The following RIC1 variants were observed in gnomAD, a reference collection of about 807,000 sequenced individuals.
RIC1 encodes RIC1 partner of RAB6A GEF complex, also known as guanine nucleotide exchange factor subunit RIC1.
RIC1 carries 88 observed loss-of-function variants against 169.0 expected under a neutral mutation model. The ratio of observed to expected loss-of-function variants is 0.52; its 90% confidence interval spans 0.44 to 0.62. The LOEUF is 0.62. Ranked by LOEUF, RIC1 falls within the 20% of genes least tolerant of loss-of-function variation. RIC1 has a pLI of 0.00. For synonymous variants in RIC1, 790 were observed against 601.5 expected, an observed-to-expected ratio of 1.31 and a Z score of -4.59; for missense variants, 1,877 against 1,725.5, an observed-to-expected ratio of 1.09 and a Z score of -1.56.
At chr9:5,765,319 A>T in intron 19 of RIC1, 95 bp from the exon 20 acceptor site, 1 of 1,327,564 alleles carries the variant, frequency 7.5e-7, no homozygotes, top group Non-Finnish European at 1.0e-6. Context: ...TGGTGTGGCT[A>T]CATTCTTTGA....
chr9:5,638,890 G>A (rs920600992), intron 1 of RIC1, among the ~76,000 whole-genome samples: 8 of 151,928 alleles, frequency 5.3e-5, no homozygotes, highest in African/African-American at 1.7e-4. Flanking sequence ...TTGTTTAAGA[G>A]GCATCATTAG....
intron 12 of RIC1, 92 bp from the exon 13 acceptor site, chr9:5,753,108 C>T (rs554436130): frequency 3.8e-5 from 44 of 1,153,888 alleles, no homozygotes; most frequent in Middle Eastern, 2.2e-4. Flanking sequence ...AAACATTGTT[C>T]GGCAAGATGA....
intron 2 of RIC1, among the ~76,000 whole-genome samples, chr9:5,679,452 T>C (rs1453579680): frequency 5.3e-5 from 8 of 152,248 alleles, no homozygotes; most frequent in Admixed American, 4.6e-4. Context: ...TTTCACGATA[T>C]TGATTCTTCC....
chr9:5,730,697 C>A (rs150825096), intron 6 of RIC1, among the ~76,000 whole-genome samples: 7 of 152,008 alleles, frequency 4.6e-5, no homozygotes, highest in Non-Finnish European at 8.8e-5. Flanking sequence ...GTAGCAATTC[C>A]ACAAGTGTTT....
chr9:5,757,926 T>C (rs1244345198), intron 17 of RIC1, among the ~76,000 whole-genome samples: 1 of 152,198 alleles, frequency 6.6e-6, no homozygotes, highest in Non-Finnish European at 1.5e-5. Flanking sequence ...ATGAGTCTTG[T>C]AGATAATATT....
chr9:5,745,615 G>C (rs536567871), intron 10 of RIC1, among the ~76,000 whole-genome samples: 3 of 152,262 alleles, frequency 2.0e-5, no homozygotes, highest in African/African-American at 7.2e-5. Flanking sequence ...TTGAGAGGCA[G>C]CTAAATTAAA....
intron 6 of RIC1, among the ~76,000 whole-genome samples, chr9:5,722,311 A>G (rs72693728): frequency 0.019 from 2,778 of 145,810 alleles, 34 homozygotes; most frequent in Non-Finnish European, 0.024. Context: ...GATGGCTTAC[A>G]GAAGGAATGA....
intron 21 of RIC1, among the ~76,000 whole-genome samples, chr9:5,766,151 C>T (rs1315474269): frequency 6.6e-6 from 1 of 152,214 alleles, no homozygotes. Context: ...AAGCGATTAT[C>T]CTGCCTCAGC....
chr9:5,750,272 G>C (rs948568177), intron 12 of RIC1, among the ~76,000 whole-genome samples: 1 of 151,910 alleles, frequency 6.6e-6, no homozygotes, highest in African/African-American at 2.4e-5. Flanking sequence ...TATTTTGTAT[G>C]ATGTAAGCAT....
intron 1 of RIC1, among the ~76,000 whole-genome samples, chr9:5,654,568 C>A (rs1328037086): frequency 6.6e-6 from 1 of 151,848 alleles, no homozygotes; most frequent in African/African-American, 2.4e-5. Flanking sequence ...TTTTGAGATT[C>A]AGTTTCTGTT....
chr9:5,740,295 A>G (rs1277369887), intron 8 of RIC1, among the ~76,000 whole-genome samples: 1 of 152,114 alleles, frequency 6.6e-6, no homozygotes, highest in Non-Finnish European at 1.5e-5. Flanking sequence ...ACTATTAGAA[A>G]TAGAGTCCTT....
intron 2 of RIC1, among the ~76,000 whole-genome samples, chr9:5,673,864 A>G (rs1820275181): frequency 6.6e-6 from 1 of 152,116 alleles, no homozygotes; most frequent in Admixed American, 6.5e-5. Flanking sequence ...AAATCAAGTT[A>G]CAGAAGAATG....
At chr9:5,762,474 T>A in intron 17 of RIC1, 67 bp from the exon 18 acceptor site, 1 of 1,579,354 alleles carries the variant, frequency 6.3e-7, no homozygotes, top group Non-Finnish European at 8.7e-7. Flanking sequence ...CCTTATGGAT[T>A]GGGGGGAGAT....
Position 5,763,091 on chromosome 9 carries a change from C to A in RIC1, c.2113-49C>A. On this transcript the variant is annotated intron_variant, in intron 18 of 25. Transcript: ENST00000414202. This position sits in a 1 kb window ranked among gnomAD's most constrained non-coding sequence, Gnocchi z 5.2. ...AACTAGTACCTAGGAACTTAAGAAC[C>A]TGCAGATTTAATAGGAAAACAACTT... is the stretch of plus-strand genomic sequence containing the variant. The A allele has an allele frequency of 6.3e-7, 1 of 1,578,726 alleles. No homozygotes were observed. Among genetic ancestry groups the A allele is most frequent in the South Asian group, 1.2e-5 (1 of 84,128 alleles).
chr9:5,747,336 A>C lies in RIC1; in HGVS notation c.1283A>C (p.Asp428Ala). The C allele has an allele frequency of 6.2e-7, 1 of 1,614,032 alleles. No homozygotes were observed. The highest frequency in any genetic ancestry group is 8.5e-7 in the Non-Finnish European group (1 of 1,179,946). Reference sequence around the variant, plus strand: ...GAGCAGGTGTTGCTTCAGGGTGAGGATCGCTTGTACTTGAACTGTGGAGAG... The same window carrying C: ...GAGCAGGTGTTGCTTCAGGGTGAGGCTCGCTTGTACTTGAACTGTGGAGAG... ...NQEQVLLQGE[D>A]RLYLNCGEAS... The change falls in exon 12 of 26, where the codon GAT becomes GCT. Residue 428 changes from aspartate to alanine, a missense_variant. Asp to Ala is a moderately radical substitution (Grantham distance 126, BLOSUM62 -2). Around this residue, in one of 3 missense-constraint regions of RIC1, gnomAD observed 1,104 missense variants for 992.0 expected, o/e 1.11. Transcript: ENST00000414202.
In RIC1 at chr9:5,757,294, G is replaced by C. The variant is rs980010731; in HGVS notation, c.1854-19G>C. On this transcript the variant is annotated intron_variant, in intron 16 of 25. Transcript: ENST00000414202. ...TTAGCATTGTTGTTGAGGTATGTGG[G>C]TTTCTTTTGTTTTTACAGTCCAAAT... The C allele has an allele frequency of 1.9e-6, 3 of 1,613,098 alleles. No homozygotes were observed. In the African/African-American group the frequency reaches 4.0e-5, roughly 22 times the overall value.
chr9:5,704,870 A>G (rs1822470932), intron 3 of RIC1, among the ~76,000 whole-genome samples: 1 of 152,124 alleles, frequency 6.6e-6, no homozygotes, highest in South Asian at 2.1e-4. Flanking sequence ...TAAGGATCCA[A>G]CTTAATTCTT....
chr9:5,769,333 G>C (rs750517889), intron 22 of RIC1, 77 bp downstream of exon 22: 1 of 1,613,540 alleles, frequency 6.2e-7, no homozygotes, highest in Non-Finnish European at 8.5e-7. Flanking sequence ...GCTATTAGTT[G>C]ATATTCAAGG....
chr9:5,636,479 C>T (rs1817978784), intron 1 of RIC1, among the ~76,000 whole-genome samples: 2 of 152,048 alleles, frequency 1.3e-5, no homozygotes, highest in African/African-American at 4.8e-5. Flanking sequence ...GCCACCATAC[C>T]CGGCTAATTT....
Sources: allele counts gnomAD v4.1 joint callset (sites outside exome capture counted in the v4.1 genomes callset), GRCh38; gene constraint gnomAD v4.1.1; regional missense constraint gnomAD v4.1.1; non-coding constraint Gnocchi (gnomAD v3.1); transcripts MANE v1.5; gene names NCBI Gene and HGNC (gene_info 2026-07-23, HGNC 2026-07-21).